Variants in DYM observed in about 807,000 individuals in gnomAD.
DYM encodes dyggve-Melchior-Clausen syndrome protein.
A neutral mutation model predicts 93.1 loss-of-function variants in DYM; 78 were observed. The ratio of observed to expected loss-of-function variants is 0.84; its 90% CI spans 0.70 to 1.01. The LOEUF is 1.01. Ranked by LOEUF, DYM falls within the 50% of genes least tolerant of loss-of-function variation. The pLI is 0.00. For synonymous variants in DYM, 321 were observed against 319.7 expected (o/e 1.00, Z -0.04); for missense variants, 789 against 845.0 (o/e 0.93, Z 0.82).
chr18:49,247,521 G>A (rs1445197828), intron 13 of DYM, among the ~76,000 whole-genome samples: 1 of 152,152 alleles, frequency 6.6e-6, no homozygotes, highest in African/African-American at 2.4e-5. Context: ...ACCACACCAA[G>A]TTACCTCTGT....
chr18:49,429,149 C>A (rs1241650745), intron 2 of DYM, among the ~76,000 whole-genome samples: 1 of 152,196 alleles, frequency 6.6e-6, no homozygotes, highest in Non-Finnish European at 1.5e-5. Flanking sequence ...AGGCTGAGTC[C>A]TCCTCACATC....
At chr18:49,416,961 C>G (rs907400599) in intron 2 of DYM, among the ~76,000 whole-genome samples, 3 of 152,158 alleles carry the variant, frequency 2.0e-5, no homozygotes, top group Admixed American at 6.5e-5. Flanking sequence ...CCCAAGCAGC[C>G]TTATCAATTT....
chr18:49,189,327 G>A (rs1485591321), intron 14 of DYM, among the ~76,000 whole-genome samples: 1 of 152,142 alleles, frequency 6.6e-6, no homozygotes, highest in Non-Finnish European at 1.5e-5. Context: ...AGGGGTTGAG[G>A]TGGGGAAAAG....
intron 2 of DYM, among the ~76,000 whole-genome samples, chr18:49,426,844 G>A (rs928545112): frequency 6.6e-6 from 1 of 151,646 alleles, no homozygotes; most frequent in African/African-American, 2.4e-5. Context: ...AAAGGGAAAC[G>A]GGAAGTATAG....
chr18:49,350,443 T>G (rs753753160), intron 6 of DYM, among the ~76,000 whole-genome samples: 1 of 152,118 alleles, frequency 6.6e-6, no homozygotes, highest in Non-Finnish European at 1.5e-5. Flanking sequence ...CGCAGTGGCT[T>G]ACGTCTGTAA....
intron 5 of DYM, among the ~76,000 whole-genome samples, chr18:49,365,938 A>C (rs1427708248): frequency 1.3e-5 from 2 of 152,224 alleles, no homozygotes; most frequent in Non-Finnish European, 2.9e-5. Flanking sequence ...GAGTATACAC[A>C]CAGCTTTGTT....
intron 15 of DYM, among the ~76,000 whole-genome samples, chr18:49,122,500 TCTGAGGTGGAA>T (rs1049392358): frequency 6.6e-6 from 1 of 152,184 alleles, no homozygotes; most frequent in African/African-American, 2.4e-5. Context: ...TGCCTGATGA[TCTGAGGTGGAA>T]CTGAGGAGGT....
intron 15 of DYM, among the ~76,000 whole-genome samples, chr18:49,148,031 A>G (rs915807097): frequency 6.6e-6 from 1 of 152,240 alleles, no homozygotes; most frequent in African/African-American, 2.4e-5. Context: ...GGATGAGTTC[A>G]TGTCTTTTGT....
At chr18:49,141,737 C>T (rs1487744938) in intron 15 of DYM, among the ~76,000 whole-genome samples, 1 of 152,156 alleles carries the variant, frequency 6.6e-6, no homozygotes, top group African/African-American at 2.4e-5. Flanking sequence ...TTTTTAATTG[C>T]TAAATGATGT....
intron 8 of DYM, among the ~76,000 whole-genome samples, chr18:49,293,737 T>C (rs1295500636): frequency 6.6e-6 from 1 of 152,202 alleles, no homozygotes; most frequent in Non-Finnish European, 1.5e-5. Context: ...GTGGATAGAT[T>C]GCAAAAATTT....
At chr18:49,397,361 T>C (rs1369711049) in intron 2 of DYM, among the ~76,000 whole-genome samples, 1 of 152,214 alleles carries the variant, frequency 6.6e-6, no homozygotes, top group Non-Finnish European at 1.5e-5. Flanking sequence ...GAAAATCTCT[T>C]CTGTGGGACA....
intron 15 of DYM, among the ~76,000 whole-genome samples, chr18:49,121,633 G>T (rs1466484643): frequency 1.4e-4 from 22 of 151,920 alleles, no homozygotes; most frequent in Admixed American, 1.4e-3. Context: ...AATTATTAAA[G>T]ACCAAGACAA....
intron 17 of DYM, among the ~76,000 whole-genome samples, chr18:49,051,922 A>G (rs1423995158): frequency 6.6e-6 from 1 of 152,218 alleles, no homozygotes; most frequent in East Asian, 1.9e-4. Flanking sequence ...AAACCTGAAC[A>G]TGCAGACAGC....
rs1169555602 is a variant in DYM, at chr18:49,363,202, C to T, written c.453G>A (p.Leu151=). ...SSDSEDLLEE[L]LCCLMQLITD... ...TGATCAACTGCATCAAACAGCACAG[C>T]AATTCTTCCAAAAGATCTTCTGAGT... Residue 151 remains leucine, a synonymous_variant, in exon 6 of 18, where the codon TTG becomes TTA. Coordinates refer to ENST00000675505, the MANE Select transcript of DYM (RefSeq NM_001353214.3). 1 of 1,613,956 alleles carries T rather than the reference C, an allele frequency of 6.2e-7. No individual in the cohort carries two copies. The highest frequency in any genetic ancestry group is 8.5e-7 in the Non-Finnish European group (1 of 1,179,916).
At chr18:49,372,833 AAAG>A (rs981194484) in intron 5 of DYM, among the ~76,000 whole-genome samples, 5 of 141,994 alleles carry the variant, frequency 3.5e-5, no homozygotes, top group Non-Finnish European at 8.1e-5. Flanking sequence ...AATTAAAAAA[AAAG>A]AAAGAAAAGG....
rs2094467803 is a variant in DYM at position 49,260,199 on chromosome 18, G to A, written c.1252-1706C>T. 3.3e-5 allele frequency among the ~76,000 whole-genome samples: 5 copies of A among 152,146 alleles called. No homozygotes were observed. In the South Asian group the frequency reaches 8.3e-4, roughly 25 times the overall value. Reference sequence around the variant, plus strand: ...AGGCCAGGAGTTCAAGACCAGCCTGGCCCAATGATGACTCTCTAAGAATAC... The same window carrying A: ...AGGCCAGGAGTTCAAGACCAGCCTGACCCAATGATGACTCTCTAAGAATAC... On this transcript the variant is annotated intron_variant, in intron 11 of 17. Transcript: ENST00000675505.
intron 3 of DYM, among the ~76,000 whole-genome samples, chr18:49,381,730 C>T (rs555227310): frequency 6.6e-6 from 1 of 152,170 alleles, no homozygotes; most frequent in African/African-American, 2.4e-5. Flanking sequence ...CTGTGAGTAG[C>T]AAGGTGCAAC....
chr18:49,383,856 A>G (rs2068292854), intron 3 of DYM, among the ~76,000 whole-genome samples: 1 of 151,160 alleles, frequency 6.6e-6, no homozygotes. Context: ...AGGAGAAAAT[A>G]ACAACAACAG....
At chr18:49,053,677 G>C (rs1447843344) in intron 17 of DYM, among the ~76,000 whole-genome samples, 1 of 152,158 alleles carries the variant, frequency 6.6e-6, no homozygotes, top group East Asian at 1.9e-4. Flanking sequence ...AAATAGCAGA[G>C]GACGCATTTA....
Sources: gnomAD v4.1 joint callset for allele counts (sites outside exome capture counted in the v4.1 genomes callset) on GRCh38, gnomAD v4.1.1 for gene constraint, MANE v1.5 for transcripts, NCBI Gene and HGNC (gene_info 2026-07-23, HGNC 2026-07-21) for gene names.